BTN3A3: variants seen among roughly 807,000 people sequenced by gnomAD.
BTN3A3 encodes butyrophilin 3.
Under a neutral mutation model 43.2 loss-of-function variants are expected in BTN3A3, and 39 were observed. The observed-to-expected ratio is 0.90, with a 90% CI of 0.70 to 1.18. BTN3A3 has a LOEUF of 1.18. BTN3A3 is among the 50% of genes most tolerant of loss of function. The pLI, the probability that BTN3A3 is intolerant of heterozygous loss-of-function variation, is 0.00. For synonymous variants in BTN3A3, 255 were observed against 272.7 expected, an observed-to-expected ratio of 0.93 and a Z score of 0.64; for missense variants, 631 against 722.8, an observed-to-expected ratio of 0.87 and a Z score of 1.46.
chr6:26,447,350 C>T (rs912428135), intron 5 of BTN3A3, among the ~76,000 whole-genome samples: 1 of 152,164 alleles, frequency 6.6e-6, no homozygotes, highest in South Asian at 2.1e-4. Flanking sequence ...GTAATACTCA[C>T]TGTACATCAA....
chr6:26,444,423 G>A, intron 4 of BTN3A3, 119 bp downstream of exon 4: 1 of 1,499,926 alleles, frequency 6.7e-7, no homozygotes, highest in Non-Finnish European at 9.1e-7. Context: ...TGTCTGCACT[G>A]CCTCCCAACT....
chr6:26,444,509 T>A, intron 4 of BTN3A3: 1 of 793,326 alleles, frequency 1.3e-6, no homozygotes, highest in Non-Finnish European at 2.0e-6. Flanking sequence ...CATGCCGAAG[T>A]AAACAACTCC....
chr6:26,445,894 G>T lies in BTN3A3; in HGVS notation c.624G>T (p.Val208=). The change falls in exon 5 of 11, where the codon GTG becomes GTT. Residue 208 remains valine, a synonymous_variant. Coordinates refer to ENST00000244519, the MANE Select transcript of BTN3A3 (RefSeq NM_006994.5). ...GCCTGTATGCAGTAGCAGCATCTGT[G>T]ATCATGAGAGGCAGCTCTGGTGGGG... ...GVGLYAVAAS[V]IMRGSSGGGV... 6.2e-7 allele frequency: 1 copy of T among 1,614,188 alleles called. No homozygotes were observed. Among genetic ancestry groups the T allele is most frequent in the Admixed American group, 1.7e-5 (1 of 60,022 alleles).
chr6:26,441,973 A>T (rs1762647787), intron 1 of BTN3A3, among the ~76,000 whole-genome samples: 1 of 152,230 alleles, frequency 6.6e-6, no homozygotes, highest in South Asian at 2.1e-4. Flanking sequence ...AATAAAAATG[A>T]TACCCCTTCT....
At position 26,448,436 on chromosome 6, in the gene BTN3A3, A is replaced by G; in HGVS notation, c.904A>G (p.Ile302Val). The part of the protein sequence containing the change: ...EMGYAATEQE[I>V]SLREKLQEEL... ...GGGATACGCTGCAACAGAGCAAGAAATAAGCCTAAGAGGTATCCAACGCAA... is the reference window on the plus strand; with the variant it reads ...GGGATACGCTGCAACAGAGCAAGAAGTAAGCCTAAGAGGTATCCAACGCAA... Residue 302 changes from isoleucine to valine, a missense_variant, in exon 6 of 11, where the codon ATA becomes GTA. Coordinates refer to ENST00000244519, the MANE Select transcript of BTN3A3 (RefSeq NM_006994.5). 1.2e-6 allele frequency: 2 copies of G among 1,613,788 alleles called. No individual in the cohort carries two copies. The highest frequency in any genetic ancestry group is 1.7e-5 in the Admixed American group (1 of 59,982).
In BTN3A3 at chr6:26,448,389, G is replaced by C; in HGVS notation, c.857G>C (p.Arg286Thr). 6.2e-7 allele frequency: 1 copy of C among 1,613,956 alleles called. No individual in the cohort carries two copies. The highest frequency in any genetic ancestry group is 8.5e-7 in the Non-Finnish European group (1 of 1,179,992). The change falls in exon 6 of 11, where the codon AGA (arginine) becomes ACA (threonine). Residue 286 changes from arginine (R) to threonine (T), a missense_variant. Physicochemically the swap from Arg to Thr is moderately conservative, Grantham distance 71 (BLOSUM62 -1). This residue lies in a region of BTN3A3 where 551 missense variants were observed against 584.0 expected (regional missense o/e 0.94). Transcript: ENST00000244519. ...EKIALSRETEREREMKEMGYA... is the reference protein window; with the variant it reads ...EKIALSRETETEREMKEMGYA... ...ATTGCTCTGTCCAGGGAGACAGAAA[G>C]AGAGCGAGAGATGAAAGAAATGGGA... is the stretch of plus-strand genomic sequence containing the variant.
chr6:26,445,804 G>A lies in BTN3A3; in HGVS notation c.534G>A (p.Lys178=). The A allele has an allele frequency of 1.2e-6, 2 of 1,614,220 alleles. No homozygotes were observed. The highest frequency in any genetic ancestry group is 1.7e-6 in the Non-Finnish European group (2 of 1,180,044). The change falls in exon 5 of 11, where the codon AAG becomes AAA. Residue 178 remains lysine (K), a synonymous_variant. Transcript: ENST00000244519. Reference sequence around the variant, plus strand: ...GCTGGTACCCCCAACCCCAAATAAAGTGGAGCGACACCAAGGGAGAGAACA... The same window carrying A: ...GCTGGTACCCCCAACCCCAAATAAAATGGAGCGACACCAAGGGAGAGAACA... The part of the protein sequence containing the change: ...STGWYPQPQI[K]WSDTKGENIP...
intron 5 of BTN3A3, 91 bp downstream of exon 5, chr6:26,446,076 C>A (rs114160412): frequency 1.3e-6 from 2 of 1,563,900 alleles, no homozygotes; most frequent in East Asian, 2.2e-5. Context: ...TGAGTCTCTG[C>A]GGTCAACCTG....
At position 26,443,379 on chromosome 6, in the gene BTN3A3, CAG is replaced by C; in HGVS notation, c.-66-1_-66del. 7.7e-7 allele frequency: 1 copy of C among 1,299,532 alleles called. No individual in the cohort carries two copies. The allele number at this position is 1,299,532 out of a possible 1,614,324, so 80.5% of individuals were successfully genotyped here. ...GATCAGATAACAGATATTATTTTTA[CAG>C]ATGGTTTTCCATACTGGAACCCAAA... On this transcript the variant is annotated splice_acceptor_variant, in intron 1 of 10. Coordinates refer to ENST00000244519, the MANE Select transcript of BTN3A3 (RefSeq NM_006994.5). LOFTEE classifies it low-confidence loss of function (5UTR_SPLICE).
At chr6:26,449,502 A>G in intron 8 of BTN3A3, 160 bp from the exon 9 acceptor site, 1 of 740,440 alleles carries the variant, frequency 1.4e-6, no homozygotes, top group Non-Finnish European at 2.3e-6. Context: ...ACTTGATATT[A>G]AGAAGAAGAG....
intron 10 of BTN3A3, among the ~76,000 whole-genome samples, chr6:26,450,786 G>A (rs941679246): frequency 9.2e-5 from 14 of 152,176 alleles, no homozygotes; most frequent in African/African-American, 3.1e-4. Flanking sequence ...AGCCTGGGAG[G>A]TCTAGGAAGG....
At chr6:26,447,109 A>G (rs1762800687) in intron 5 of BTN3A3, among the ~76,000 whole-genome samples, 1 of 152,218 alleles carries the variant, frequency 6.6e-6, no homozygotes, top group Admixed American at 6.5e-5. Context: ...GAACTTCCAT[A>G]CAAGGGAATA....
intron 4 of BTN3A3, chr6:26,444,510 A>AC: frequency 1.3e-6 from 1 of 789,006 alleles, no homozygotes; most frequent in Non-Finnish European, 2.0e-6. Flanking sequence ...ATGCCGAAGT[A>AC]AACAACTCCC....
intron 4 of BTN3A3, chr6:26,444,795 A>G (rs1214602577): frequency 4.2e-6 from 1 of 238,026 alleles, no homozygotes; most frequent in Admixed American, 5.2e-5. Flanking sequence ...AACACACATC[A>G]TGGGGAGCTG....
chr6:26,445,418 T>A, intron 4 of BTN3A3: 1 of 383,052 alleles, frequency 2.6e-6, no homozygotes, highest in Non-Finnish European at 4.8e-6. Context: ...AGGTCACAAG[T>A]CAACTCAAGA....
At chr6:26,446,025 T>G in intron 5 of BTN3A3, 40 bp downstream of exon 5, 1 of 1,607,734 alleles carries the variant, frequency 6.2e-7, no homozygotes, top group Non-Finnish European at 8.5e-7. Context: ...TGAGCTGAGC[T>G]GTGGCAGGTG....
Position 26,448,713 on chromosome 6 carries a change from T to C in BTN3A3, c.938-15T>C, listed in dbSNP as rs1762850018. 6.2e-7 allele frequency: 1 copy of C among 1,613,870 alleles called. No individual in the cohort carries two copies. The highest frequency in any genetic ancestry group is 1.1e-5 in the South Asian group (1 of 91,082). ...TGAGCACCTTGATAACCCTTCCCTATTCATTCCATTGCAGAGTGGAGGAAA... is the reference window on the plus strand; with the variant it reads ...TGAGCACCTTGATAACCCTTCCCTACTCATTCCATTGCAGAGTGGAGGAAA... On this transcript the variant is annotated splice_polypyrimidine_tract_variant and intron_variant, in intron 7 of 10. Transcript: ENST00000244519.
In BTN3A3 at chr6:26,451,609, A is replaced by T; in HGVS notation, c.1019-66A>T. ...CTCCTTAGCATGGTCCAGGCCTTGCATGCTGAGGCTCTGAAATCCAGGAAA... is the reference window on the plus strand; with the variant it reads ...CTCCTTAGCATGGTCCAGGCCTTGCTTGCTGAGGCTCTGAAATCCAGGAAA... On this transcript the variant is annotated intron_variant, in intron 10 of 10. Transcript: ENST00000244519. 3.8e-6 allele frequency: 6 copies of T among 1,558,542 alleles called. 1 individual carries two copies. The South Asian group carries it at 7.5e-5, about 19-fold the overall frequency.
At chr6:26,451,202 G>C (rs1443296626) in intron 10 of BTN3A3, among the ~76,000 whole-genome samples, 2 of 152,174 alleles carry the variant, frequency 1.3e-5, no homozygotes, top group African/African-American at 4.8e-5. Flanking sequence ...TACTACGCTA[G>C]AGAGTCATAT....
Sources: allele counts gnomAD v4.1 joint callset (sites outside exome capture counted in the v4.1 genomes callset), GRCh38; gene constraint gnomAD v4.1.1; regional missense constraint gnomAD v4.1.1; transcripts MANE v1.5; gene names NCBI Gene and HGNC (gene_info 2026-07-23, HGNC 2026-07-21).